Variants in UNC13C observed in about 807,000 individuals in gnomAD.
The protein encoded by UNC13C is protein unc-13 homolog C.
In UNC13C, 174 loss-of-function variants were observed where a neutral mutation model predicts 245.4. That is an observed-to-expected ratio of 0.71 (90% CI 0.63 to 0.80). The LOEUF is 0.80. Among genes scored for constraint, UNC13C ranks in the 30% least tolerant of loss-of-function variants. The probability of loss-of-function intolerance (pLI) is 0.00; values close to 1 mark genes in which losing one functional copy is unlikely to be tolerated. For synonymous variants in UNC13C, 992 were observed against 895.1 expected, an observed-to-expected ratio of 1.11 and a Z score of -1.93; for missense variants, 2,829 against 2,602.9, an observed-to-expected ratio of 1.09 and a Z score of -1.89.
intron 17 of UNC13C, among the ~76,000 whole-genome samples, chr15:54,377,788 C>G (rs487588): frequency 0.76 from 115,933 of 152,080 alleles, 44,525 homozygotes; most frequent in East Asian, 0.92. Flanking sequence ...GAGGGTTCCA[C>G]CCCCATGATG....
intron 2 of UNC13C, among the ~76,000 whole-genome samples, chr15:54,091,667 G>T (rs1206629203): frequency 1.3e-5 from 2 of 151,964 alleles, no homozygotes; most frequent in South Asian, 2.1e-4. Flanking sequence ...ACAGGATATT[G>T]CTAGTATATA....
chr15:54,243,708 T>C (rs1159505482), intron 7 of UNC13C, among the ~76,000 whole-genome samples: 5 of 152,242 alleles, frequency 3.3e-5, no homozygotes, highest in African/African-American at 1.2e-4. Context: ...GGTTTTGATT[T>C]GCATTTCTCT....
chr15:54,490,239 C>G (rs1205666647), intron 19 of UNC13C, among the ~76,000 whole-genome samples: 1 of 152,150 alleles, frequency 6.6e-6, no homozygotes, highest in Non-Finnish European at 1.5e-5. Flanking sequence ...AATGAGTAGT[C>G]TCTAGATAAG....
At chr15:53,952,815 GA>G in the UNC13C span, among the ~76,000 whole-genome samples, 2 of 152,148 alleles carry the variant, frequency 1.3e-5, no homozygotes, top group African/African-American at 4.8e-5. Flanking sequence ...AGTATACAGA[GA>G]AAACATTTAA....
At chr15:54,074,280 G>T (rs1452108717) in intron 2 of UNC13C, among the ~76,000 whole-genome samples, 2 of 152,138 alleles carry the variant, frequency 1.3e-5, no homozygotes, top group African/African-American at 4.8e-5. Context: ...GGTTACTGTA[G>T]CCTTGTAGTA....
chr15:54,165,398 T>A (rs1414311148), intron 4 of UNC13C, among the ~76,000 whole-genome samples: 1 of 152,188 alleles, frequency 6.6e-6, no homozygotes, highest in Non-Finnish European at 1.5e-5. Context: ...ATCCCATTAT[T>A]TCATTGAATT....
chr15:54,102,924 C>T (rs1900238657), intron 2 of UNC13C, among the ~76,000 whole-genome samples: 1 of 152,102 alleles, frequency 6.6e-6, no homozygotes, highest in South Asian at 2.1e-4. Flanking sequence ...ATAAGTGATC[C>T]CTTGGCCAGC....
Position 54,018,410 on chromosome 15 carries a change from T to C in UNC13C, c.2983+2524T>C, listed in dbSNP as rs1002628389. On this transcript the variant is annotated intron_variant, in intron 2 of 32. Transcript: ENST00000260323. ...ATTATAAGCTCACACATTTGAATTA[T>C]TTATTTCAACTGTTGTCTTCAGGAT... Among the ~76,000 whole-genome samples the C allele has an allele frequency of 3.4e-4, 52 of 152,236 alleles. 1 individual carries two copies. Among genetic ancestry groups the C allele is most frequent in the Non-Finnish European group, 8.8e-5 (6 of 68,046 alleles).
chr15:53,850,645 A>G, the UNC13C span, among the ~76,000 whole-genome samples: 1 of 152,102 alleles, frequency 6.6e-6, no homozygotes. Flanking sequence ...TTTGATTACA[A>G]TTAGCCATGT....
At chr15:54,255,523 G>A (rs2036257262) in intron 8 of UNC13C, among the ~76,000 whole-genome samples, 1 of 152,156 alleles carries the variant, frequency 6.6e-6, no homozygotes, top group Non-Finnish European at 1.5e-5. Context: ...CCAGCCACTT[G>A]TGTCTTTTTC....
chr15:54,339,424 G>A (rs11634839), intron 17 of UNC13C, among the ~76,000 whole-genome samples: 1 of 151,724 alleles, frequency 6.6e-6, no homozygotes, highest in Non-Finnish European at 1.5e-5. Context: ...ACCCCTCCGA[G>A]CCTTTCCCCA....
chr15:54,278,046 C>A (rs1221127701), intron 10 of UNC13C, among the ~76,000 whole-genome samples: 1 of 152,066 alleles, frequency 6.6e-6, no homozygotes, highest in Non-Finnish European at 1.5e-5. Flanking sequence ...GCGTGGCATG[C>A]AACTCAAAAA....
chr15:54,417,925 T>A (rs1048339836), intron 19 of UNC13C, among the ~76,000 whole-genome samples: 17 of 137,422 alleles, frequency 1.2e-4, no homozygotes, highest in Admixed American at 5.1e-4. Flanking sequence ...TTATGTATGT[T>A]TGTTTGTTTG....
chr15:54,262,043 G>A (rs2036440854), intron 8 of UNC13C, among the ~76,000 whole-genome samples: 3 of 152,252 alleles, frequency 2.0e-5, no homozygotes, highest in South Asian at 4.1e-4. Context: ...TAATGCTCAA[G>A]CTTTCCTAAT....
intron 29 of UNC13C, among the ~76,000 whole-genome samples, chr15:54,557,478 A>G (rs1204592030): frequency 6.6e-6 from 1 of 151,852 alleles, no homozygotes; most frequent in African/African-American, 2.4e-5. Flanking sequence ...TGTCCTACCA[A>G]ACATTAATTG....
At chr15:54,585,323 C>T (rs1898431774) in intron 30 of UNC13C, among the ~76,000 whole-genome samples, 2 of 151,884 alleles carry the variant, frequency 1.3e-5, no homozygotes, top group Admixed American at 1.3e-4. Context: ...TGGTACTGCC[C>T]CCGTGTCTCT....
At chr15:54,532,815 A>G (rs1895816175) in intron 25 of UNC13C, 102 bp from the exon 26 acceptor site, 2 of 776,902 alleles carry the variant, frequency 2.6e-6, no homozygotes, top group African/African-American at 1.8e-5. Context: ...GAGCAGGGGA[A>G]TTCACACCAG....
At chr15:54,572,514 C>T (rs1897801379) in intron 30 of UNC13C, among the ~76,000 whole-genome samples, 1 of 150,928 alleles carries the variant, frequency 6.6e-6, no homozygotes, top group African/African-American at 2.4e-5. Context: ...CGGCCTCTGC[C>T]TCCTGGGTTC....
intron 13 of UNC13C, among the ~76,000 whole-genome samples, chr15:54,302,053 T>A (rs1245178363): frequency 2.0e-5 from 3 of 152,216 alleles, no homozygotes. Context: ...TGATGAGCTT[T>A]TTTTTCATAT....
Sources: gnomAD v4.1 joint callset for allele counts (sites outside exome capture counted in the v4.1 genomes callset) on GRCh38, gnomAD v4.1.1 for gene constraint, MANE v1.5 for transcripts, NCBI Gene and HGNC (gene_info 2026-07-23, HGNC 2026-07-21) for gene names.